The following CRISPLD1 variants were observed in gnomAD, a reference collection of about 807,000 sequenced individuals.
CRISPLD1 encodes the protein cysteine-rich secretory protein LCCL domain-containing 1.
In CRISPLD1, 60 loss-of-function variants were observed where a neutral mutation model predicts 77.5. The observed-to-expected ratio is 0.77, with a 90% confidence interval of 0.63 to 0.96. The LOEUF is 0.96. Among genes scored for constraint, CRISPLD1 ranks in the 40% least tolerant of loss-of-function variants. The pLI, the probability that CRISPLD1 is intolerant of heterozygous loss-of-function variation, is 0.00. For synonymous variants in CRISPLD1, 195 were observed against 200.1 expected (o/e 0.97, Z 0.22); for missense variants, 623 against 615.8 (o/e 1.01, Z -0.12).
At chr8:75,016,094 A>G (rs1424526199) in intron 6 of CRISPLD1, among the ~76,000 whole-genome samples, 1 of 152,204 alleles carries the variant, frequency 6.6e-6, no homozygotes. Flanking sequence ...CTCTATGGAC[A>G]TGGATTTTGT....
intron 2 of CRISPLD1, among the ~76,000 whole-genome samples, chr8:75,009,636 A>G (rs1812895221): frequency 6.6e-6 from 1 of 151,894 alleles, no homozygotes; most frequent in African/African-American, 2.4e-5. Flanking sequence ...GTATAACTAG[A>G]GTACTCTGCA....
chr8:74,995,428 A>C (rs1346225266), intron 2 of CRISPLD1, among the ~76,000 whole-genome samples: 3 of 152,194 alleles, frequency 2.0e-5, no homozygotes, highest in Non-Finnish European at 4.4e-5. Flanking sequence ...AGAAAAATTA[A>C]TTCATTACTT....
At position 75,017,302 on chromosome 8, in the gene CRISPLD1, C is replaced by T. The variant is rs754247137; in HGVS notation, c.997-18C>T. On this transcript the variant is annotated intron_variant, in intron 9 of 14. Transcript: ENST00000262207. The stretch of plus-strand genomic sequence containing the variant: ...TCTAATATTTTTAACATCTTTTTAT[C>T]TCCTCCTTTTTTCCAAGCAATCCAG... The T allele has an allele frequency of 1.2e-5, 19 of 1,605,430 alleles. No homozygotes were observed.
chr8:75,025,418 A>G, intron 12 of CRISPLD1, 128 bp from the exon 13 acceptor site: 1 of 288,966 alleles, frequency 3.5e-6, no homozygotes. Flanking sequence ...GACCTATTTC[A>G]GGAGAAAAAA....
rs1044352538 is a variant in CRISPLD1, at chr8:75,011,474, T to A, written c.259-959T>A. On this transcript the variant is annotated intron_variant, in intron 2 of 14. Transcript: ENST00000262207. ...TCCCGTTTTCGTAACATGCCCGGAG[T>A]CTGTAATTGTAGTGCTAAGATTGAA... 2.0e-5 allele frequency among the ~76,000 whole-genome samples: 3 copies of A among 151,928 alleles called. 1 individual carries two copies. The highest frequency in any genetic ancestry group is 1.3e-4 in the Admixed American group (2 of 15,202).
chr8:74,993,564 G>A (rs1220294647), intron 2 of CRISPLD1, among the ~76,000 whole-genome samples: 2 of 152,034 alleles, frequency 1.3e-5, no homozygotes, highest in Admixed American at 6.5e-5. Context: ...TTAAGACTTC[G>A]ACCTTTAAAG....
At chr8:74,986,699 GACATTGTAAAGGAT>G (rs1318603582) in intron 2 of CRISPLD1, among the ~76,000 whole-genome samples, 2 of 152,172 alleles carry the variant, frequency 1.3e-5, no homozygotes, top group Non-Finnish European at 2.9e-5. Flanking sequence ...ACATGTAAAT[GACATTGTAAAGGAT>G]ACATTTTTAT....
In CRISPLD1 at chr8:75,012,435, A is replaced by G. The variant is rs755088072; in HGVS notation, c.261A>G (p.Thr87=). Residue 87 remains threonine, a splice_region_variant and synonymous_variant, in exon 3 of 15, where the codon ACA becomes ACG. Transcript: ENST00000262207. ...YPTASNMEYM[T]WDVELERSAE... is the part of the protein sequence containing the mutation. Reference sequence around the variant, plus strand: ...TTTGCTTTTGTTTTAAACTGTAGACATGGGATGTAGAGCTGGAAAGATCTG... The same window carrying G: ...TTTGCTTTTGTTTTAAACTGTAGACGTGGGATGTAGAGCTGGAAAGATCTG... 1 of 1,602,942 alleles carries G rather than the reference A, an allele frequency of 6.2e-7. No homozygotes were observed. Among genetic ancestry groups the G allele is most frequent in the Admixed American group, 1.7e-5 (1 of 59,880 alleles).
rs550473050 is a variant in CRISPLD1 at position 74,990,238 on chromosome 8, A to G, written c.258+3993A>G. ...AAAATTACAGACTTCATCACTACAC[A>G]ATACATCAATGTAACAAAACCGCAC... On this transcript the variant is annotated intron_variant, in intron 2 of 14. Coordinates refer to ENST00000262207, the MANE Select transcript of CRISPLD1 (RefSeq NM_031461.6). Among the ~76,000 whole-genome samples, 6 of 152,116 alleles carry G rather than the reference A, an allele frequency of 3.9e-5. No homozygotes were observed. In the East Asian group the frequency reaches 7.7e-4, roughly 20 times the overall value.
At chr8:75,030,216 T>C (rs956825533) in intron 14 of CRISPLD1, among the ~76,000 whole-genome samples, 1 of 152,164 alleles carries the variant, frequency 6.6e-6, no homozygotes, top group Non-Finnish European at 1.5e-5. Context: ...TTCTTCAAAA[T>C]TGCTAATGGA....
At position 75,017,131 on chromosome 8, in the gene CRISPLD1, A is replaced by C. The variant is rs921254371; in HGVS notation, c.996+18A>C. ...ATGAAATGGTAAGTGTTATAAATGT[A>C]ATTATTTGAGGATAGAGTCATTCCA... On this transcript the variant is annotated intron_variant, in intron 9 of 14. Coordinates refer to ENST00000262207, the MANE Select transcript of CRISPLD1 (RefSeq NM_031461.6). 6.3e-7 allele frequency: 1 copy of C among 1,595,462 alleles called. No individual in the cohort carries two copies. Among genetic ancestry groups the C allele is most frequent in the African/African-American group, 1.3e-5 (1 of 74,670 alleles).
intron 2 of CRISPLD1, among the ~76,000 whole-genome samples, chr8:75,002,738 C>T (rs144127511): frequency 7.2e-5 from 11 of 152,108 alleles, no homozygotes; most frequent in Non-Finnish European, 1.6e-4. Context: ...TGTGTGTTTC[C>T]TTGGCCAAAT....
At chr8:75,001,298 T>C (rs947967804) in intron 2 of CRISPLD1, among the ~76,000 whole-genome samples, 4 of 152,196 alleles carry the variant, frequency 2.6e-5, no homozygotes, top group African/African-American at 9.6e-5. Context: ...GACAGGTGGC[T>C]AAATTATCAC....
At position 74,994,539 on chromosome 8, in the gene CRISPLD1, C is replaced by T. The variant is rs144841947; in HGVS notation, c.258+8294C>T. On this transcript the variant is annotated intron_variant, in intron 2 of 14. Transcript: ENST00000262207. ...CAGAAATCTCTGGTCACCCATTTTA[C>T]CCACACAATTTCAAGAGATTAGAGG... Among the ~76,000 whole-genome samples, 55 of 152,248 alleles carry T rather than the reference C, an allele frequency of 3.6e-4. 1 individual carries two copies. Among genetic ancestry groups the T allele is most frequent in the African/African-American group, 1.3e-3 (54 of 41,558 alleles).
In CRISPLD1 at chr8:75,022,735, G is replaced by A. The variant is rs917623376; in HGVS notation, c.1244+2656G>A. Among the ~76,000 whole-genome samples the A allele has an allele frequency of 2.6e-5, 4 of 152,002 alleles. No individual in the cohort carries two copies. In the East Asian group the frequency reaches 7.7e-4, roughly 29 times the overall value. On this transcript the variant is annotated intron_variant, in intron 12 of 14. Transcript: ENST00000262207. ...TTTCATATGACTTAAGTAGGCTGAG[G>A]CATAGTCTATTCTGGAGAAAAAATG...
intron 2 of CRISPLD1, among the ~76,000 whole-genome samples, chr8:74,988,832 TAAAAC>T (rs889033032): frequency 6.6e-6 from 1 of 152,056 alleles, no homozygotes; most frequent in African/African-American, 2.4e-5. Flanking sequence ...GACACTGCCT[TAAAAC>T]AAACAAAAAA....
intron 12 of CRISPLD1, among the ~76,000 whole-genome samples, chr8:75,024,339 G>A (rs58437681): frequency 6.6e-6 from 1 of 151,968 alleles, no homozygotes; most frequent in Non-Finnish European, 1.5e-5. Context: ...GTTTTGTTTT[G>A]TTTTGAGATG....
chr8:75,032,119 G>A, intron 14 of CRISPLD1, 72 bp from the exon 15 acceptor site: 6 of 1,051,880 alleles, frequency 5.7e-6, no homozygotes, highest in Non-Finnish European at 8.5e-6. Context: ...TCATAAGAAA[G>A]CATGATTTGT....
At chr8:75,013,362 CA>C (rs1288993222) in intron 4 of CRISPLD1, among the ~76,000 whole-genome samples, 2 of 151,826 alleles carry the variant, frequency 1.3e-5, no homozygotes, top group South Asian at 4.1e-4. Context: ...CAATGACATT[CA>C]ATATTTACAT....
Sources: gnomAD v4.1 joint callset for allele counts (sites outside exome capture counted in the v4.1 genomes callset) on GRCh38, gnomAD v4.1.1 for gene constraint, MANE v1.5 for transcripts, NCBI Gene and HGNC (gene_info 2026-07-23, HGNC 2026-07-21) for gene names.